Variants in MORC4 observed in about 807,000 individuals in gnomAD.
MORC4 encodes MORC family CW-type zinc finger protein 4.
A neutral mutation model predicts 65.5 loss-of-function variants in MORC4; 22 were observed. That is an observed-to-expected ratio of 0.34 (90% CI 0.24 to 0.48). MORC4 has a LOEUF of 0.48. Among genes scored for constraint, MORC4 ranks in the 20% least tolerant of loss-of-function variants. The probability of loss-of-function intolerance (pLI) is 0.99; values close to 1 mark genes in which losing one functional copy is unlikely to be tolerated. For synonymous variants in MORC4, 267 were observed against 255.8 expected (o/e 1.04, Z -0.42); for missense variants, 624 against 703.0 (o/e 0.89, Z 1.27).
intron 9 of MORC4, among the ~76,000 whole-genome samples, chrX:106,974,292 A>G (rs1037449041): frequency 8.9e-6 from 1 of 111,751 alleles, no homozygotes; most frequent in Non-Finnish European, 1.9e-5. Flanking sequence ...CCCTTTTCAG[A>G]AAAAGTTTAC....
At chrX:106,966,124 G>C (rs1211067114) in intron 9 of MORC4, among the ~76,000 whole-genome samples, 1 of 112,013 alleles carries the variant, frequency 8.9e-6, no homozygotes, top group Non-Finnish European at 1.9e-5. Context: ...ACCAGGACTT[G>C]ATTACTTGGG....
intron 3 of MORC4, 150 bp from the exon 4 acceptor site, chrX:106,986,350 G>A (rs1157390606): frequency 4.4e-6 from 2 of 455,657 alleles, no homozygotes; most frequent in East Asian, 7.5e-5. Context: ...GGTATTTATG[G>A]GCAAAACTAT....
intron 14 of MORC4, among the ~76,000 whole-genome samples, chrX:106,947,599 T>C (rs1933879843): frequency 1.1e-5 from 1 of 94,944 alleles, no homozygotes; most frequent in African/African-American, 3.9e-5. Flanking sequence ...ATAATATATA[T>C]ATATATAAAA....
At chrX:106,943,457 T>C (rs1336804565) in intron 14 of MORC4, among the ~76,000 whole-genome samples, 1 of 111,127 alleles carries the variant, frequency 9.0e-6, no homozygotes, top group Non-Finnish European at 1.9e-5. Flanking sequence ...AGGTTGACCT[T>C]GGTAAGAATT....
intron 13 of MORC4, among the ~76,000 whole-genome samples, chrX:106,955,517 G>A (rs867503212): frequency 8.3e-5 from 4 of 47,908 alleles, no homozygotes; most frequent in Admixed American, 3.3e-4. Context: ...TATATTCATA[G>A]TACACACACA....
chrX:106,942,228 T>G lies in MORC4; in HGVS notation c.2377-7A>C, dbSNP rs1450419457. ...CCTGTTCCAGCTCCTCCACCTGCAGTCCAAGAAACAGAAATTCAATGACCC... is the reference window on the plus strand; with the variant it reads ...CCTGTTCCAGCTCCTCCACCTGCAGGCCAAGAAACAGAAATTCAATGACCC... On this transcript the variant is annotated splice_region_variant and splice_polypyrimidine_tract_variant and intron_variant, in intron 15 of 16. Transcript: ENST00000355610. The G allele has an allele frequency of 5.0e-6, 6 of 1,192,993 alleles. No homozygotes were observed. The highest frequency in any genetic ancestry group is 6.8e-6 in the Non-Finnish European group (6 of 887,128).
rs764113229 is a variant in MORC4, at chrX:106,940,948, C to T, written c.*531G>A. On this transcript the variant is annotated 3_prime_UTR_variant, in exon 17 of 17. Transcript: ENST00000355610. ...GGTGCCTTCCTTGAACTTCCTCCCC[C>T]AGATCTTCCATGTCATATCTGTACC... is the stretch of plus-strand genomic sequence containing the variant. 6 of 111,389 alleles carry T rather than the reference C, an allele frequency of 5.4e-5. No homozygotes were observed. The highest frequency in any genetic ancestry group is 1.6e-4 in the African/African-American group (5 of 30,691). 9.2% of individuals were successfully genotyped at this position (111,389 alleles called of 1,213,427 possible).
chrX:106,972,122 G>C (rs1190303142), intron 9 of MORC4, among the ~76,000 whole-genome samples: 1 of 112,193 alleles, frequency 8.9e-6, no homozygotes, highest in East Asian at 2.8e-4. Flanking sequence ...TATACACATG[G>C]AATACTATGC....
intron 5 of MORC4, among the ~76,000 whole-genome samples, chrX:106,983,709 C>T (rs954930488): frequency 2.0e-5 from 2 of 99,023 alleles, no homozygotes; most frequent in African/African-American, 7.0e-5. Flanking sequence ...ATTTTTTCTA[C>T]TTCTTTTTTT....
At position 106,941,548 on chromosome X, in the gene MORC4, G is replaced by A. The variant is rs747174625; in HGVS notation, c.2745C>T (p.Ile915=). 2 of 1,209,319 alleles carry A rather than the reference G, an allele frequency of 1.7e-6. No homozygotes were observed. Among genetic ancestry groups the A allele is most frequent in the East Asian group, 3.0e-5 (1 of 33,801 alleles). Residue 915 remains isoleucine, a synonymous_variant, in exon 17 of 17, where the codon ATC becomes ATT. Coordinates refer to ENST00000355610, the MANE Select transcript of MORC4 (RefSeq NM_024657.5). Reference sequence around the variant, plus strand: ...CATCCACTTGTTCTGAGTCATACCCGATCTCACGAAGCTCCAAGTGAGGGA... The same window carrying A: ...CATCCACTTGTTCTGAGTCATACCCAATCTCACGAAGCTCCAAGTGAGGGA... The part of the protein sequence containing the change: ...SVLPHLELRE[I]GYDSEQVDGI...
chrX:106,983,144 G>A lies in MORC4; in HGVS notation c.675-1667C>T, dbSNP rs1304530585. ...ATGTTTTGGATTTTGTAGCACTTCC[G>A]ATTTTAGATTTTTGGATTAGGGAAA... is the stretch of plus-strand genomic sequence containing the variant. On this transcript the variant is annotated intron_variant, in intron 5 of 16. Coordinates refer to ENST00000355610, the MANE Select transcript of MORC4 (RefSeq NM_024657.5). Among the ~76,000 whole-genome samples the A allele has an allele frequency of 6.2e-5, 7 of 112,058 alleles. No individual in the cohort carries two copies. In the East Asian group the frequency reaches 1.7e-3, roughly 27 times the overall value.
intron 11 of MORC4, 77 bp downstream of exon 11, chrX:106,958,259 T>G: frequency 1.2e-5 from 12 of 993,219 alleles, no homozygotes; most frequent in East Asian, 6.5e-5. Context: ...GGTGTGAACC[T>G]GAGATGAAAA....
intron 14 of MORC4, among the ~76,000 whole-genome samples, chrX:106,943,651 T>C (rs1021504585): frequency 1.8e-5 from 2 of 112,468 alleles, no homozygotes; most frequent in Non-Finnish European, 3.8e-5. Context: ...GCATCACAAA[T>C]GCCTTCCCGT....
At chrX:106,982,714 C>T (rs998970446) in intron 5 of MORC4, among the ~76,000 whole-genome samples, 2 of 112,146 alleles carry the variant, frequency 1.8e-5, no homozygotes, top group Non-Finnish European at 3.8e-5. Flanking sequence ...ATTCTCCCAT[C>T]TCAGCCTCCC....
chrX:106,980,394 TA>T (rs1362270292), intron 7 of MORC4, among the ~76,000 whole-genome samples: 3 of 111,132 alleles, frequency 2.7e-5, no homozygotes, highest in Non-Finnish European at 5.7e-5. Flanking sequence ...TCCACCCTCC[TA>T]ATTTCAATCA....
rs766797993 is a variant in MORC4, at chrX:106,943,198, T to C, written c.1693A>G (p.Lys565Glu). 128 of 1,182,253 alleles carry C rather than the reference T, an allele frequency of 1.1e-4. 1 individual carries two copies. In the South Asian group the frequency reaches 2.0e-3, roughly 19 times the overall value. ...ACCGGTTCTTCACCTAGGATCCATTTGTACTTACTGCAAGAAGAGGAAATT... is the reference window on the plus strand; with the variant it reads ...ACCGGTTCTTCACCTAGGATCCATTCGTACTTACTGCAAGAAGAGGAAATT... ...SSVLQFSSKY[K>E]WILGEEPVEK... Residue 565 changes from lysine to glutamate, a missense_variant, in exon 15 of 17, where the codon AAA (lysine) becomes GAA (glutamate). Physicochemically the swap from Lys to Glu is moderately conservative, Grantham distance 56. Coordinates refer to ENST00000355610, the MANE Select transcript of MORC4 (RefSeq NM_024657.5).
intron 10 of MORC4, 45 bp downstream of exon 10, chrX:106,961,967 T>C: frequency 9.8e-7 from 1 of 1,018,176 alleles, no homozygotes; most frequent in Non-Finnish European, 1.4e-6. Context: ...ATTTGATCTA[T>C]GGATATTACC....
intron 9 of MORC4, among the ~76,000 whole-genome samples, chrX:106,963,104 T>A (rs1269542818): frequency 8.9e-6 from 1 of 111,962 alleles, no homozygotes; most frequent in Non-Finnish European, 1.9e-5. Flanking sequence ...CTATTTATGT[T>A]CCTACTCTAT....
chrX:106,947,305 G>T (rs1372251440), intron 14 of MORC4, among the ~76,000 whole-genome samples: 1 of 108,834 alleles, frequency 9.2e-6, no homozygotes, highest in East Asian at 2.9e-4. Context: ...CATTTGAGAA[G>T]AATACATACT....
Sources: allele counts gnomAD v4.1 joint callset (sites outside exome capture counted in the v4.1 genomes callset), GRCh38; gene constraint gnomAD v4.1.1; transcripts MANE v1.5; gene names NCBI Gene and HGNC (gene_info 2026-07-23, HGNC 2026-07-21).